RBFOX1: variants seen among roughly 807,000 people sequenced by gnomAD.
The protein encoded by RBFOX1 is RNA binding protein fox-1 homolog 1.
RBFOX1 carries 8 observed loss-of-function variants against 57.7 expected under a neutral mutation model. The observed-to-expected ratio is 0.14, with a 90% CI of 0.08 to 0.25. RBFOX1 has a LOEUF of 0.25. RBFOX1 is among the 10% of genes least tolerant of loss of function. The pLI, the probability that RBFOX1 is intolerant of heterozygous loss-of-function variation, is 1.00. For missense variants in RBFOX1, 611 were observed against 548.5 expected, an observed-to-expected ratio of 1.11 and a Z score of -1.14; for synonymous variants, 326 against 222.4, an observed-to-expected ratio of 1.47 and a Z score of -4.15.
intron 5 of RBFOX1, among the ~76,000 whole-genome samples, chr16:7,530,008 CAAAAAAAAA>C (rs35251344): frequency 8.0e-6 from 1 of 125,070 alleles, no homozygotes; most frequent in Non-Finnish European, 1.6e-5. Context: ...GACTCCATCT[CAAAAAAAAA>C]AAAAAAAGTG....
chr16:6,766,491 G>A (rs947135671), intron 3 of RBFOX1, among the ~76,000 whole-genome samples: 6 of 151,790 alleles, frequency 4.0e-5, no homozygotes, highest in African/African-American at 9.7e-5. Context: ...GAGGGGGAGA[G>A]GGGAATGAGA....
intron 2 of RBFOX1, among the ~76,000 whole-genome samples, chr16:6,631,543 T>G (rs2058529): frequency 0.66 from 100,982 of 151,866 alleles, 34,696 homozygotes; most frequent in South Asian, 0.87. Context: ...TTGTTCTGGG[T>G]GTCAGAATAC....
chr16:7,157,682 C>A (rs1344830978), intron 4 of RBFOX1, among the ~76,000 whole-genome samples: 2 of 152,126 alleles, frequency 1.3e-5, no homozygotes, highest in African/African-American at 4.8e-5. Context: ...CACGCCATAG[C>A]CACTCTACAT....
intron 4 of RBFOX1, among the ~76,000 whole-genome samples, chr16:7,497,285 T>C (rs929886701): frequency 6.6e-6 from 1 of 152,178 alleles, no homozygotes; most frequent in Non-Finnish European, 1.5e-5. Flanking sequence ...TATCCTGTTT[T>C]CTGTGTTCTT....
intron 4 of RBFOX1, among the ~76,000 whole-genome samples, chr16:5,990,253 ATTGCTGGGGTT>A (rs772630512): frequency 0.025 from 3,831 of 152,262 alleles, 130 homozygotes; most frequent in East Asian, 0.14. Context: ...GGCCTCCCAA[ATTGCTGGGGTT>A]ACAGGCATGA....
chr16:6,338,260 A>T (rs1302384817), intron 2 of RBFOX1, among the ~76,000 whole-genome samples: 1 of 152,106 alleles, frequency 6.6e-6, no homozygotes, highest in Non-Finnish European at 1.5e-5. Context: ...ATTCCTTTTG[A>T]TCCATAATTA....
chr16:6,688,227 G>A (rs965331835), intron 3 of RBFOX1, among the ~76,000 whole-genome samples: 7 of 152,066 alleles, frequency 4.6e-5, no homozygotes, highest in Non-Finnish European at 1.0e-4. Context: ...GCTAGAGCAG[G>A]AGGAAGAGAG....
At chr16:6,543,503 C>G (rs547483268) in intron 2 of RBFOX1, among the ~76,000 whole-genome samples, 79 of 152,298 alleles carry the variant, frequency 5.2e-4, no homozygotes, top group African/African-American at 1.9e-3. Context: ...TGTTCCCTCT[C>G]TGAGATCTTT....
intron 3 of RBFOX1, among the ~76,000 whole-genome samples, chr16:5,826,874 G>C (rs1388303415): frequency 6.6e-6 from 1 of 152,180 alleles, no homozygotes; most frequent in Non-Finnish European, 1.5e-5. Flanking sequence ...TCCGTGGCAG[G>C]AGCAAGCTAA....
chr16:6,364,499 G>T (rs913081723), intron 2 of RBFOX1, among the ~76,000 whole-genome samples: 1 of 152,140 alleles, frequency 6.6e-6, no homozygotes, highest in African/African-American at 2.4e-5. Flanking sequence ...TCTGTTCTCT[G>T]TTGGTCCCTG....
Position 6,085,225 on chromosome 16 carries a change from A to T in RBFOX1, c.-127+65233A>T, listed in dbSNP as rs1361580133. The stretch of plus-strand genomic sequence containing the variant: ...CATTTCTTTCACGTGACTTTTGGTT[A>T]GAAACATTGGCCTGACTTTGAGGCT... On this transcript the variant is annotated intron_variant, in intron 1 of 15. Transcript: ENST00000550418. Among the ~76,000 whole-genome samples the T allele has an allele frequency of 2.0e-5, 3 of 152,166 alleles. No homozygotes were observed. In the East Asian group the frequency reaches 5.8e-4, roughly 29 times the overall value.
intron 3 of RBFOX1, among the ~76,000 whole-genome samples, chr16:7,022,503 T>C (rs1414916356): frequency 6.6e-6 from 1 of 152,162 alleles, no homozygotes; most frequent in Admixed American, 6.5e-5. Flanking sequence ...TTTCTTTCTT[T>C]ATACTCCAGA....
At chr16:6,161,163 C>T (rs573895588) in intron 1 of RBFOX1, among the ~76,000 whole-genome samples, 4 of 152,190 alleles carry the variant, frequency 2.6e-5, no homozygotes, top group African/African-American at 9.6e-5. Flanking sequence ...CCGAGGCGGG[C>T]AGATCACTTG....
intron 2 of RBFOX1, among the ~76,000 whole-genome samples, chr16:6,492,370 C>A (rs997512537): frequency 2.0e-5 from 3 of 152,130 alleles, no homozygotes; most frequent in Admixed American, 2.0e-4. Flanking sequence ...GAGTTCAAGA[C>A]CAGCCTGGCC....
intron 1 of RBFOX1, among the ~76,000 whole-genome samples, chr16:6,208,780 T>C (rs2097272538): frequency 6.6e-6 from 1 of 152,168 alleles, no homozygotes; most frequent in African/African-American, 2.4e-5. Flanking sequence ...AACACTGCAT[T>C]CCCTTCCTAT....
intron 3 of RBFOX1, among the ~76,000 whole-genome samples, chr16:5,860,104 A>G (rs112885998): frequency 0.13 from 20,257 of 151,874 alleles, 1,819 homozygotes; most frequent in Non-Finnish European, 0.19. Flanking sequence ...TTTTTTTGTG[A>G]TGGAGTCTCA....
intron 4 of RBFOX1, among the ~76,000 whole-genome samples, chr16:5,871,519 C>T (rs752798021): frequency 5.3e-5 from 8 of 152,168 alleles, no homozygotes; most frequent in African/African-American, 1.7e-4. Flanking sequence ...ATCGCAAAAA[C>T]GCATACACAT....
chr16:7,356,882 A>T (rs2097223371), intron 4 of RBFOX1, among the ~76,000 whole-genome samples: 2 of 152,160 alleles, frequency 1.3e-5, no homozygotes, highest in African/African-American at 4.8e-5. Context: ...ACAGCTTATA[A>T]CCAAAGCATG....
chr16:6,645,501 A>G (rs966575008), intron 2 of RBFOX1, among the ~76,000 whole-genome samples: 4 of 152,164 alleles, frequency 2.6e-5, no homozygotes, highest in Non-Finnish European at 5.9e-5. Context: ...CATTGTGGGC[A>G]TGAATAACCC....
Sources: allele counts gnomAD v4.1 joint callset (sites outside exome capture counted in the v4.1 genomes callset), GRCh38; gene constraint gnomAD v4.1.1; transcripts MANE v1.5; gene names NCBI Gene and HGNC (gene_info 2026-07-23, HGNC 2026-07-21).